The following BTBD16 variants were observed in gnomAD, a reference collection of about 807,000 sequenced individuals.
The protein encoded by BTBD16 is BTB domain containing 16.
In BTBD16, 66 loss-of-function variants were observed where a neutral mutation model predicts 67.4. That is an observed-to-expected ratio of 0.98 (90% CI 0.80 to 1.20). The LOEUF (loss-of-function observed/expected upper bound fraction) is 1.20. Ranked by LOEUF, BTBD16 falls within the 50% of genes most tolerant of loss-of-function variation. The pLI is 0.00. For missense variants in BTBD16, 634 were observed against 616.0 expected, an observed-to-expected ratio of 1.03 and a Z score of -0.31; for synonymous variants, 242 against 236.4, an observed-to-expected ratio of 1.02 and a Z score of -0.22.
chr10:122,280,012 C>T (rs997541811), intron 3 of BTBD16, among the ~76,000 whole-genome samples: 2 of 152,140 alleles, frequency 1.3e-5, no homozygotes, highest in African/African-American at 2.4e-5. Context: ...CAGGGAGTTC[C>T]TGGTCAGCCA....
At chr10:122,332,903 A>G in intron 13 of BTBD16, 1 of 985,308 alleles carries the variant, frequency 1.0e-6, no homozygotes, top group Non-Finnish European at 1.2e-6. Flanking sequence ...TGCCAAGTCC[A>G]TGTTTAAGCT....
At chr10:122,316,928 C>T (rs1565007493) in intron 10 of BTBD16, among the ~76,000 whole-genome samples, 1 of 152,100 alleles carries the variant, frequency 6.6e-6, no homozygotes, top group Non-Finnish European at 1.5e-5. Context: ...GCTGGGATTA[C>T]AGGCATGTGT....
At chr10:122,322,401 A>G (rs1008297236) in intron 10 of BTBD16, among the ~76,000 whole-genome samples, 1 of 152,148 alleles carries the variant, frequency 6.6e-6, no homozygotes. Context: ...GCTTTATCGG[A>G]CATTCTAGTA....
intron 8 of BTBD16, 118 bp from the exon 9 acceptor site, chr10:122,298,886 G>A: frequency 7.5e-7 from 1 of 1,340,516 alleles, no homozygotes; most frequent in Non-Finnish European, 1.0e-6. Context: ...TTGTAGAAAA[G>A]GTTTGAGCGC....
At chr10:122,297,217 A>G (rs2096384997) in intron 7 of BTBD16, among the ~76,000 whole-genome samples, 1 of 152,238 alleles carries the variant, frequency 6.6e-6, no homozygotes, top group Non-Finnish European at 1.5e-5. Flanking sequence ...TTCTTTGCAC[A>G]CCAAGGACCT....
chr10:122,273,313 A>G (rs947582868), intron 1 of BTBD16, among the ~76,000 whole-genome samples: 5 of 151,380 alleles, frequency 3.3e-5, no homozygotes, highest in Admixed American at 2.0e-4. Context: ...GTATACACAC[A>G]TGTACACAAA....
Position 122,300,301 on chromosome 10 carries a change from T to A in BTBD16, c.791+1167T>A, listed in dbSNP as rs561495078. Among the ~76,000 whole-genome samples the A allele has an allele frequency of 1.5e-4, 23 of 151,948 alleles. No individual in the cohort carries two copies. The South Asian group carries it at 4.6e-3, about 30-fold the overall frequency. ...TGCATAGAATATATACAATATATAATGCATAGAATATATGCAATAATGCAT... is the reference window on the plus strand; with the variant it reads ...TGCATAGAATATATACAATATATAAAGCATAGAATATATGCAATAATGCAT... On this transcript the variant is annotated intron_variant, in intron 9 of 15. Transcript: ENST00000260723.
chr10:122,333,273 A>G (rs2096458039), intron 13 of BTBD16, among the ~76,000 whole-genome samples: 1 of 152,178 alleles, frequency 6.6e-6, no homozygotes, highest in South Asian at 2.1e-4. Flanking sequence ...TCACAGAGCC[A>G]GGACTTCCTG....
Position 122,291,081 on chromosome 10 carries a change from C to T in BTBD16, c.477C>T (p.Ala159=), listed in dbSNP as rs749389215. 1 of 1,609,676 alleles carries T rather than the reference C, an allele frequency of 6.2e-7. No homozygotes were observed. The highest frequency in any genetic ancestry group is 1.1e-5 in the South Asian group (1 of 90,116). Residue 159 remains alanine (A), a splice_region_variant and synonymous_variant, in exon 7 of 16, where the codon GCC becomes GCT. Coordinates refer to ENST00000260723, the MANE Select transcript of BTBD16 (RefSeq NM_144587.5). ...KINDPLVTKV[A]FATALKNLYM... is the part of the protein sequence containing the mutation. ...GCTCGCTTGGCTGTGCCTCCCCAGC[C>T]TTCGCCACGGCCCTGAAGAACCTCT... is the stretch of plus-strand genomic sequence containing the variant.
At chr10:122,271,907 C>T (rs140326178) in intron 1 of BTBD16, among the ~76,000 whole-genome samples, 16 of 152,264 alleles carry the variant, frequency 1.1e-4, no homozygotes, top group African/African-American at 3.1e-4. Context: ...GTAACTGAAG[C>T]GGTGCTCTGT....
intron 10 of BTBD16, chr10:122,328,877 A>G: frequency 5.3e-6 from 5 of 947,652 alleles, no homozygotes; most frequent in Non-Finnish European, 6.3e-6. Context: ...GGAGCTTGGT[A>G]TTAACACTGA....
chr10:122,301,559 T>G (rs1329930443), intron 9 of BTBD16, among the ~76,000 whole-genome samples: 1 of 152,112 alleles, frequency 6.6e-6, no homozygotes, highest in Non-Finnish European at 1.5e-5. Flanking sequence ...TCTTCTGAGG[T>G]TGATCTCCAG....
intron 12 of BTBD16, 82 bp downstream of exon 12, chr10:122,331,340 A>T: frequency 6.3e-7 from 1 of 1,581,712 alleles, no homozygotes; most frequent in African/African-American, 1.4e-5. Flanking sequence ...TGTGTTTCAC[A>T]TTTGAAACCT....
intron 10 of BTBD16, among the ~76,000 whole-genome samples, chr10:122,313,821 C>T (rs897471501): frequency 2.0e-5 from 3 of 152,150 alleles, no homozygotes; most frequent in African/African-American, 4.8e-5. Flanking sequence ...TTTGTCATAA[C>T]GTATTTTACA....
intron 10 of BTBD16, among the ~76,000 whole-genome samples, chr10:122,324,508 C>G (rs566925786): frequency 2.7e-4 from 41 of 152,290 alleles, no homozygotes; most frequent in African/African-American, 9.4e-4. Context: ...ACTGGGCAAC[C>G]CTGGTGTGTC....
intron 5 of BTBD16, among the ~76,000 whole-genome samples, chr10:122,287,138 A>G (rs1275743448): frequency 3.3e-5 from 5 of 152,204 alleles, no homozygotes; most frequent in Admixed American, 3.3e-4. Context: ...CTGTGCAGGC[A>G]GTGAGAGCCA....
At chr10:122,294,029 C>A in intron 7 of BTBD16, 1 of 707,936 alleles carries the variant, frequency 1.4e-6, no homozygotes, top group Non-Finnish European at 1.7e-6. Flanking sequence ...AGCTAATGAG[C>A]CAAACCTTTC....
intron 3 of BTBD16, among the ~76,000 whole-genome samples, chr10:122,282,614 A>G (rs1234520060): frequency 2.6e-5 from 4 of 152,124 alleles, no homozygotes; most frequent in Admixed American, 2.6e-4. Flanking sequence ...ATGTGACTCA[A>G]ATTTTGTTTC....
At chr10:122,286,356 A>G in intron 5 of BTBD16, 108 bp downstream of exon 5, 4 of 1,445,860 alleles carry the variant, frequency 2.8e-6, no homozygotes, top group Non-Finnish European at 3.7e-6. Context: ...TCTAGCAGTC[A>G]AGAGTAAGGC....
Sources: gnomAD v4.1 joint callset for allele counts (sites outside exome capture counted in the v4.1 genomes callset) on GRCh38, gnomAD v4.1.1 for gene constraint, MANE v1.5 for transcripts, NCBI Gene and HGNC (gene_info 2026-07-23, HGNC 2026-07-21) for gene names.